Variants in ERI2 observed in about 807,000 individuals in gnomAD.
ERI2 encodes the protein ERI1 exoribonuclease family member 2.
Under a neutral mutation model 46.8 loss-of-function variants are expected in ERI2, and 35 were observed. That is an observed-to-expected ratio of 0.75 (90% CI 0.57 to 0.99). The LOEUF (loss-of-function observed/expected upper bound fraction) is 0.99. Ranked by LOEUF, ERI2 falls within the 50% of genes least tolerant of loss-of-function variation. ERI2 has a pLI of 0.00. For synonymous variants in ERI2, 224 were observed against 271.0 expected (o/e 0.83, Z 1.70); for missense variants, 695 against 796.2 (o/e 0.87, Z 1.53).
chr16:20,781,563 C>T (rs540385509), intron 10 of ERI2: 1 of 721,618 alleles, frequency 1.4e-6, no homozygotes, highest in South Asian at 1.6e-5. Flanking sequence ...ATCCTGCAGA[C>T]ACTGAGGGAT....
Position 20,798,661 on chromosome 16 carries a change from A to C in ERI2, c.1139T>G (p.Val380Gly). ...ASTVGSELVL[V>G]STTVPTVHHV... The stretch of plus-strand genomic sequence containing the variant: ...ATGAACAGTTGGAACGGTGGTAGAA[A>C]CAAGTACCAATTCTGAACCAACTGT... Residue 380 changes from valine to glycine, a missense_variant, in exon 9 of 9, where the codon GTT becomes GGT. Physicochemically the swap from Val to Gly is moderately radical, Grantham distance 109. Coordinates refer to ENST00000357967, the MANE Select transcript of ERI2 (RefSeq NM_001142725.2). The C allele has an allele frequency of 6.4e-7, 1 of 1,551,702 alleles. No individual in the cohort carries two copies. The highest frequency in any genetic ancestry group is 8.7e-7 in the Non-Finnish European group (1 of 1,146,934).
downstream of ERI2, among the ~76,000 whole-genome samples, chr16:20,794,306 T>C (rs2080671362): frequency 6.6e-6 from 1 of 152,220 alleles, no homozygotes; most frequent in South Asian, 2.1e-4. Flanking sequence ...TCTAGATCAC[T>C]AGGTTCTTAA....
rs755776881 is a variant in ERI2 at position 20,781,104 on chromosome 16, C to T, written c.895-370G>A. 23 of 1,613,822 alleles carry T rather than the reference C, an allele frequency of 1.4e-5. 1 individual carries two copies. The highest frequency in any genetic ancestry group is 3.3e-4 in the Middle Eastern group (2 of 6,082). On this transcript the variant is annotated intron_variant, in intron 10 of 10. Transcript: ENST00000300005. ...ATGTGTATTCACACACCATTTACCC[C>T]GTTTTGAGCCGACTTCTATCTTGCA... is the stretch of plus-strand genomic sequence containing the variant.
At chr16:20,781,345 T>C (rs776430096) in intron 10 of ERI2, among the ~76,000 whole-genome samples, 2 of 152,062 alleles carry the variant, frequency 1.3e-5, no homozygotes, top group Non-Finnish European at 2.9e-5. Context: ...ATATTGAAAA[T>C]ATTTGGGGAG....
chr16:20,784,971 G>A, intron 10 of ERI2: 1 of 1,604,512 alleles, frequency 6.2e-7, no homozygotes, highest in Non-Finnish European at 8.5e-7. Context: ...AACTTATCTG[G>A]TTTTCTGAGA....
At chr16:20,789,085 T>G (rs1238168521) in intron 10 of ERI2, among the ~76,000 whole-genome samples, 1 of 152,250 alleles carries the variant, frequency 6.6e-6, no homozygotes. Context: ...AAAAGTCATT[T>G]AGAGCAAAAT....
rs1444416924 is a variant in ERI2 at position 20,802,828 on chromosome 16, C to A, written c.271G>T (p.Glu91Ter). The A allele has an allele frequency of 2.5e-6, 4 of 1,610,198 alleles. No homozygotes were observed. The East Asian group carries it at 8.9e-5, about 36-fold the overall frequency. Reference sequence around the variant, plus strand: ...ATGCCTGTCAATTCCATGCAAAATTCTGAAAGAATTGGATGTTCCTGAGGT... The same window carrying A: ...ATGCCTGTCAATTCCATGCAAAATTATGAAAGAATTGGATGTTCCTGAGGT... ...VQPQEHPILSEFCMELTGIKQ... is the reference protein window; with the variant it reads ...VQPQEHPILS The change falls in exon 4 of 9, where the codon GAA becomes TAA. Residue 91 changes from glutamate to a stop codon, truncating the protein, a stop_gained. Coordinates refer to ENST00000357967, the MANE Select transcript of ERI2 (RefSeq NM_001142725.2). LOFTEE classifies it high-confidence loss of function.
chr16:20,786,045 AATGTT>A (rs1346539912), intron 10 of ERI2: 1 of 1,400,438 alleles, frequency 7.1e-7, no homozygotes, highest in Non-Finnish European at 9.7e-7. Flanking sequence ...AGTGACTTGT[AATGTT>A]ATCTTACTTT....
chr16:20,799,607 T>C (rs1487513899), intron 7 of ERI2: 43 of 487,696 alleles, frequency 8.8e-5, no homozygotes, highest in Non-Finnish European at 7.2e-5. Flanking sequence ...TTCCCCAAAA[T>C]GTGGCCAGCG....
intron 1 of ERI2, among the ~76,000 whole-genome samples, chr16:20,804,164 A>T (rs2152496035): frequency 6.6e-6 from 1 of 151,928 alleles, no homozygotes; most frequent in South Asian, 2.1e-4. Context: ...AATTTACACT[A>T]ATTTTATGTT....
In ERI2 at chr16:20,799,083, C is replaced by T; in HGVS notation, c.733-16G>A. The T allele has an allele frequency of 6.7e-7, 1 of 1,490,220 alleles. No individual in the cohort carries two copies. The highest frequency in any genetic ancestry group is 8.9e-7 in the Non-Finnish European group (1 of 1,124,572). 92.3% of individuals were successfully genotyped at this position (1,490,220 alleles called of 1,614,324 possible). A position where few individuals can be genotyped will look rare whatever the true frequency, so the allele number is the denominator to read the frequency against. On this transcript the variant is annotated splice_polypyrimidine_tract_variant and intron_variant, in intron 8 of 8. Transcript: ENST00000357967. ...TAGTGGGAACCTATGATTCCACAGACAAATGCAACAGCTTTAGAAACTGTG... is the reference window on the plus strand; with the variant it reads ...TAGTGGGAACCTATGATTCCACAGATAAATGCAACAGCTTTAGAAACTGTG...
Position 20,796,617 on chromosome 16 carries a change from T to C in ERI2, c.*1107A>G. 6.5e-7 allele frequency: 1 copy of C among 1,526,970 alleles called. No homozygotes were observed. 94.6% of individuals were successfully genotyped at this position (1,526,970 alleles called of 1,614,324 possible). Reference sequence around the variant, plus strand: ...CATGTCCCAAACTGAACTGATGACATATGGGTAAGAATCAGAATCTTTGAG... The same window carrying C: ...CATGTCCCAAACTGAACTGATGACACATGGGTAAGAATCAGAATCTTTGAG... On this transcript the variant is annotated 3_prime_UTR_variant, in exon 9 of 9. Transcript: ENST00000357967.
At chr16:20,792,281 C>G, downstream of ERI2, 1 of 1,614,098 alleles carries the variant, frequency 6.2e-7, no homozygotes, top group African/African-American at 1.3e-5. Flanking sequence ...TGAATGAACA[C>G]CCTTCAGTTG....
chr16:20,790,917 G>T lies in ERI2; in HGVS notation c.748C>A (p.Pro250Thr), dbSNP rs944048980. The change falls in exon 9 of 11, where the codon CCT (proline) becomes ACT (threonine). Residue 250 changes from proline (P) to threonine (T), a missense_variant. Coordinates refer to the ERI2 transcript ENST00000300005. This position sits in a 1 kb window ranked among gnomAD's most constrained non-coding sequence, Gnocchi z 4.0. ...AGATCACTGTTCCAGGTCCACGAAG[G>T]CAAGAGGAAGGGACCCTAGAAAGAG... The T allele has an allele frequency of 1.2e-6, 2 of 1,614,028 alleles. No homozygotes were observed. The highest frequency in any genetic ancestry group is 2.7e-5 in the African/African-American group (2 of 75,038).
chr16:20,782,029 T>C (rs1297241685), intron 10 of ERI2, among the ~76,000 whole-genome samples: 1 of 152,104 alleles, frequency 6.6e-6, no homozygotes, highest in Non-Finnish European at 1.5e-5. Context: ...CTAAGCCCAG[T>C]GGTTATGGGT....
chr16:20,797,043 A>G lies in ERI2; in HGVS notation c.*681T>C. On this transcript the variant is annotated 3_prime_UTR_variant, in exon 9 of 9. Transcript: ENST00000357967. ...GTCAATCTCTAGAAACCACAAGATG[A>G]TGGAGAGGTCATAAAAACTGTGGTA... 1 of 1,555,578 alleles carries G rather than the reference A, an allele frequency of 6.4e-7. No homozygotes were observed. Among genetic ancestry groups the G allele is most frequent in the Admixed American group, 2.1e-5 (1 of 47,730 alleles).
chr16:20,795,135 AG>A (rs1359768823), downstream of ERI2, among the ~76,000 whole-genome samples: 8 of 152,180 alleles, frequency 5.3e-5, no homozygotes, highest in African/African-American at 1.9e-4. Context: ...CACACACACA[AG>A]GGTTCACAAC....
chr16:20,799,600 C>G (rs1259996913), intron 7 of ERI2: 1 of 493,966 alleles, frequency 2.0e-6, no homozygotes, highest in Non-Finnish European at 3.5e-6. Flanking sequence ...TAGACAGTTC[C>G]CCAAAATGTG....
At chr16:20,786,704 A>C (rs561196610) in intron 10 of ERI2, among the ~76,000 whole-genome samples, 1 of 152,264 alleles carries the variant, frequency 6.6e-6, no homozygotes, top group Admixed American at 6.5e-5. Context: ...ATATTAACCC[A>C]TTGAATTTCC....
Sources: gnomAD v4.1 joint callset for allele counts (sites outside exome capture counted in the v4.1 genomes callset) on GRCh38, gnomAD v4.1.1 for gene constraint, Gnocchi (gnomAD v3.1) non-coding constraint, MANE v1.5 for transcripts, NCBI Gene and HGNC (gene_info 2026-07-23, HGNC 2026-07-21) for gene names.